Variants in DOK6 observed in about 807,000 individuals in gnomAD.
DOK6 encodes the protein downstream of tyrosine kinase 6.
DOK6 carries 22 observed loss-of-function variants against 44.0 expected under a neutral mutation model. The observed-to-expected ratio is 0.50, with a 90% confidence interval of 0.36 to 0.71. DOK6 has a LOEUF of 0.71. Among genes scored for constraint, DOK6 ranks in the 30% least tolerant of loss-of-function variants. The pLI is 0.00. For missense variants in DOK6, 340 were observed against 416.4 expected (o/e 0.82, Z 1.60); for synonymous variants, 166 against 145.5 (o/e 1.14, Z -1.01).
At chr18:69,514,881 C>T (rs1208461035) in intron 1 of DOK6, among the ~76,000 whole-genome samples, 1 of 150,880 alleles carries the variant, frequency 6.6e-6, no homozygotes, top group Non-Finnish European at 1.5e-5. Flanking sequence ...ATGGGCTTTG[C>T]AGGCATTGCC....
At chr18:69,609,121 G>A (rs532535301) in intron 3 of DOK6, among the ~76,000 whole-genome samples, 1 of 152,072 alleles carries the variant, frequency 6.6e-6, no homozygotes, top group Non-Finnish European at 1.5e-5. Flanking sequence ...ACAACAGAAA[G>A]CTCAGATAAC....
intron 3 of DOK6, among the ~76,000 whole-genome samples, chr18:69,606,672 G>A (rs371868132): frequency 4.6e-5 from 7 of 150,874 alleles, no homozygotes; most frequent in Non-Finnish European, 8.8e-5. Context: ...TAGGACAAAC[G>A]AATTCAGTGA....
intron 1 of DOK6, among the ~76,000 whole-genome samples, chr18:69,439,467 C>A (rs1979077356): frequency 1.3e-5 from 2 of 152,240 alleles, no homozygotes; most frequent in South Asian, 4.1e-4. Context: ...CTTCTTCCAG[C>A]AGAAGGCTGT....
chr18:69,803,475 T>G (rs1182949721), intron 7 of DOK6, among the ~76,000 whole-genome samples: 1 of 152,140 alleles, frequency 6.6e-6, no homozygotes, highest in Non-Finnish European at 1.5e-5. Flanking sequence ...AAGCAGGAAA[T>G]AAGATGACTC....
chr18:69,688,071 A>G (rs1363900132), intron 4 of DOK6, among the ~76,000 whole-genome samples: 3 of 152,050 alleles, frequency 2.0e-5, no homozygotes. Context: ...TTATAAAATT[A>G]AATATTAAAA....
chr18:69,581,169 C>T (rs1983360316), intron 2 of DOK6, among the ~76,000 whole-genome samples: 1 of 152,160 alleles, frequency 6.6e-6, no homozygotes, highest in Non-Finnish European at 1.5e-5. Context: ...TAACTTAAGG[C>T]ATGCATAGCA....
chr18:69,679,365 G>T (rs1029973765), intron 4 of DOK6, among the ~76,000 whole-genome samples: 8 of 152,040 alleles, frequency 5.3e-5, no homozygotes, highest in African/African-American at 1.9e-4. Context: ...AATGAAAAAA[G>T]TTTTTTTCTG....
intron 1 of DOK6, among the ~76,000 whole-genome samples, chr18:69,514,841 T>TA: frequency 1.8e-5 from 1 of 56,210 alleles, no homozygotes; most frequent in African/African-American, 4.0e-5. Context: ...CCATATATAT[T>TA]TTTTTTTTTT....
At chr18:69,769,950 G>C (rs1299982138) in intron 7 of DOK6, among the ~76,000 whole-genome samples, 1 of 152,116 alleles carries the variant, frequency 6.6e-6, no homozygotes, top group Non-Finnish European at 1.5e-5. Context: ...TAGCAAGAGA[G>C]GAGGTGTAAC....
intron 5 of DOK6, among the ~76,000 whole-genome samples, chr18:69,721,757 G>A (rs1978289024): frequency 6.6e-6 from 1 of 152,048 alleles, no homozygotes; most frequent in African/African-American, 2.4e-5. Context: ...ACATTAATGA[G>A]AATAAAAATT....
chr18:69,789,377 A>G (rs1370989407), intron 7 of DOK6, among the ~76,000 whole-genome samples: 1 of 152,136 alleles, frequency 6.6e-6, no homozygotes, highest in East Asian at 1.9e-4. Flanking sequence ...TGCTTGCATT[A>G]TGTTGGTAAA....
chr18:69,690,981 G>T (rs1192326411), intron 4 of DOK6, among the ~76,000 whole-genome samples: 1 of 151,944 alleles, frequency 6.6e-6, no homozygotes, highest in Admixed American at 6.6e-5. Flanking sequence ...AGGAGTTCAA[G>T]ACCAGCCTGT....
chr18:69,671,853 C>A (rs1985805583), intron 3 of DOK6, among the ~76,000 whole-genome samples: 1 of 152,148 alleles, frequency 6.6e-6, no homozygotes, highest in Admixed American at 6.5e-5. Flanking sequence ...ATTTCCATAT[C>A]CAGGTGCAGT....
chr18:69,637,098 C>T (rs1456490329), intron 3 of DOK6, among the ~76,000 whole-genome samples: 2 of 152,256 alleles, frequency 1.3e-5, no homozygotes, highest in East Asian at 3.9e-4. Context: ...CAGCAGGGAG[C>T]TCCCCAAGCT....
chr18:69,619,979 G>A (rs1984402390), intron 3 of DOK6, among the ~76,000 whole-genome samples: 1 of 151,884 alleles, frequency 6.6e-6, no homozygotes, highest in Non-Finnish European at 1.5e-5. Context: ...TATTCTAAAG[G>A]TTGTTAAATT....
chr18:69,720,562 A>G (rs1297851176), intron 5 of DOK6, among the ~76,000 whole-genome samples: 1 of 152,206 alleles, frequency 6.6e-6, no homozygotes, highest in Non-Finnish European at 1.5e-5. Flanking sequence ...ATATGAATTC[A>G]TATAGTTGAA....
intron 7 of DOK6, among the ~76,000 whole-genome samples, chr18:69,763,605 A>G (rs1458518237): frequency 6.6e-6 from 1 of 152,188 alleles, no homozygotes; most frequent in African/African-American, 2.4e-5. Flanking sequence ...AATACAGAGA[A>G]GTTGAGGAGG....
intron 1 of DOK6, among the ~76,000 whole-genome samples, chr18:69,490,025 A>G (rs1980690522): frequency 6.6e-6 from 1 of 152,176 alleles, no homozygotes; most frequent in Non-Finnish European, 1.5e-5. Context: ...ATAGTTTTAC[A>G]TATTCAGAAG....
intron 7 of DOK6, among the ~76,000 whole-genome samples, chr18:69,805,589 A>G (rs1248869337): frequency 6.6e-6 from 1 of 152,150 alleles, no homozygotes; most frequent in Non-Finnish European, 1.5e-5. Flanking sequence ...TCTTCACTTG[A>G]TATTCCATAA....
Sources: allele counts gnomAD v4.1 joint callset (sites outside exome capture counted in the v4.1 genomes callset), GRCh38; gene constraint gnomAD v4.1.1; transcripts MANE v1.5; gene names NCBI Gene and HGNC (gene_info 2026-07-23, HGNC 2026-07-21).